The following APLP1 variants were observed in gnomAD, a reference collection of about 807,000 sequenced individuals.
APLP1 encodes amyloid beta (A4) precursor-like protein 1.
Under a neutral mutation model 84.5 loss-of-function variants are expected in APLP1, and 46 were observed. The observed-to-expected ratio is 0.54, with a 90% confidence interval of 0.43 to 0.70. The LOEUF (loss-of-function observed/expected upper bound fraction) is 0.70, where lower values mean the gene tolerates loss of function less well. APLP1 is among the 30% of genes least tolerant of loss of function. The pLI, the probability that APLP1 is intolerant of heterozygous loss-of-function variation, is 0.00. For synonymous variants in APLP1, 376 were observed against 364.0 expected (o/e 1.03, Z -0.38); for missense variants, 826 against 900.2 (o/e 0.92, Z 1.05).
At chr19:35,869,945 G>C (rs919525949) in intron 2 of APLP1, 135 bp downstream of exon 2, 2 of 1,166,478 alleles carry the variant, frequency 1.7e-6, no homozygotes, top group African/African-American at 3.1e-5. Context: ...AACTATGCTA[G>C]GGGCAGGGGA....
chr19:35,872,032 C>A lies in APLP1; in HGVS notation c.846C>A (p.Gly282=), dbSNP rs1974166682. ...GCTCCCATACACTTGCAGTGGTCGGCAAAGGTGAGGCAGTCTCTGAACCCC... is the reference window on the plus strand; with the variant it reads ...GCTCCCATACACTTGCAGTGGTCGGAAAAGGTGAGGCAGTCTCTGAACCCC... ...PPSSHTLAVV[G]KVTPTPRPTD... Residue 282 remains glycine (G), a synonymous_variant, in exon 6 of 17, where the codon GGC becomes GGA. Coordinates refer to ENST00000221891, the MANE Select transcript of APLP1 (RefSeq NM_001024807.3). 4.3e-6 allele frequency: 7 copies of A among 1,613,260 alleles called. No individual in the cohort carries two copies. Among genetic ancestry groups the A allele is most frequent in the Non-Finnish European group, 5.9e-6 (7 of 1,179,566 alleles).
chr19:35,871,201 A>C (rs1974136148), intron 3 of APLP1, 36 bp from the exon 4 acceptor site: 2 of 1,597,210 alleles, frequency 1.3e-6, no homozygotes, highest in Admixed American at 1.7e-5. Context: ...TGGTGGCTAT[A>C]GGAGGATCTC....
chr19:35,870,802 G>C (rs1974122601), intron 2 of APLP1, 94 bp from the exon 3 acceptor site: 1 of 1,469,496 alleles, frequency 6.8e-7, no homozygotes, highest in South Asian at 1.3e-5. Context: ...GAAAGAAAGA[G>C]GGAGAAAGAA....
At chr19:35,878,291 A>G (rs1174295518) in intron 13 of APLP1, among the ~76,000 whole-genome samples, 183 bp downstream of exon 13, 1 of 152,144 alleles carries the variant, frequency 6.6e-6, no homozygotes, top group African/African-American at 2.4e-5. Flanking sequence ...CACACCCGTA[A>G]TCCTAGCACT....
Position 35,879,063 on chromosome 19 carries a change from T to A in APLP1, c.1714-11T>A, listed in dbSNP as rs554930865. ...CAAAGAAGCCCTCTGCCCCATCTCCTCTCCCTGCAGGCACCAGCTGGGACA... is the reference window on the plus strand; with the variant it reads ...CAAAGAAGCCCTCTGCCCCATCTCCACTCCCTGCAGGCACCAGCTGGGACA... On this transcript the variant is annotated splice_polypyrimidine_tract_variant and intron_variant, in intron 15 of 16. Coordinates refer to ENST00000221891, the MANE Select transcript of APLP1 (RefSeq NM_001024807.3). The A allele has an allele frequency of 9.3e-6, 15 of 1,612,548 alleles. No individual in the cohort carries two copies. The East Asian group carries it at 1.3e-4, about 14-fold the overall frequency.
At chr19:35,876,722 C>T (rs1974289382) in intron 11 of APLP1, 106 bp downstream of exon 11, 1 of 873,680 alleles carries the variant, frequency 1.1e-6, no homozygotes, top group Admixed American at 3.2e-5. Flanking sequence ...AACAAACAGC[C>T]CAGACCTTAG....
At chr19:35,875,045 G>T (rs1422166950) in intron 10 of APLP1, among the ~76,000 whole-genome samples, 176 bp downstream of exon 10, 2 of 151,900 alleles carry the variant, frequency 1.3e-5, no homozygotes, top group African/African-American at 2.4e-5. Context: ...CCTGAAACAT[G>T]GACCCTCACA....
At chr19:35,878,713 G>A in intron 14 of APLP1, 59 bp downstream of exon 14, 1 of 1,593,304 alleles carries the variant, frequency 6.3e-7, no homozygotes, top group Non-Finnish European at 8.6e-7. Context: ...CTATATGGCT[G>A]GGTACGAGGG....
intron 1 of APLP1, 122 bp from the exon 2 acceptor site, chr19:35,869,545 C>T (rs779945660): frequency 3.8e-6 from 5 of 1,325,122 alleles, no homozygotes; most frequent in South Asian, 1.3e-5. Flanking sequence ...TCCATGGAGG[C>T]GGTGTGCGGT....
At chr19:35,870,100 A>C in intron 2 of APLP1, 1 of 456,814 alleles carries the variant, frequency 2.2e-6, no homozygotes, top group South Asian at 3.2e-5. Flanking sequence ...AGACAGAAAG[A>C]GACCTTAAGG....
intron 2 of APLP1, among the ~76,000 whole-genome samples, chr19:35,870,019 A>G (rs957562820): frequency 6.6e-6 from 1 of 152,024 alleles, no homozygotes; most frequent in Admixed American, 6.5e-5. Context: ...AGGAAGTGGA[A>G]TTTAGGAATC....
chr19:35,872,768 A>G (rs1051339886), intron 7 of APLP1, among the ~76,000 whole-genome samples, 155 bp downstream of exon 7: 1 of 151,720 alleles, frequency 6.6e-6, no homozygotes, highest in Admixed American at 6.6e-5. Flanking sequence ...CCAGAGATCC[A>G]TGGCCCTTCT....
chr19:35,875,587 C>T (rs1568476817), intron 10 of APLP1, among the ~76,000 whole-genome samples: 1 of 152,096 alleles, frequency 6.6e-6, no homozygotes, highest in South Asian at 2.1e-4. Flanking sequence ...TCCTAAAGTA[C>T]TCGGATTACA....
rs565186400 is a variant in APLP1, at chr19:35,879,133, G to C, written c.1773G>C (p.Ala591=). 2.5e-6 allele frequency: 4 copies of C among 1,612,314 alleles called. No individual in the cohort carries two copies. Among genetic ancestry groups the C allele is most frequent in the Admixed American group, 3.3e-5 (2 of 60,026 alleles). ...TGTCGGGTCTGCTGATCATGGGAGCGGGCGGAGGCTCCCTCATCGTCCTCT... is the reference window on the plus strand; with the variant it reads ...TGTCGGGTCTGCTGATCATGGGAGCCGGCGGAGGCTCCCTCATCGTCCTCT... ...EAVSGLLIMG[A]GGGSLIVLSM... is the part of the protein sequence containing the mutation. The change falls in exon 16 of 17, where the codon GCG becomes GCC. Residue 591 remains alanine (A), a synonymous_variant. Coordinates refer to ENST00000221891, the MANE Select transcript of APLP1 (RefSeq NM_001024807.3).
At chr19:35,871,410 C>A in intron 4 of APLP1, 61 bp downstream of exon 4, 1 of 1,456,362 alleles carries the variant, frequency 6.9e-7, no homozygotes, top group Non-Finnish European at 9.5e-7. Context: ...ACCTCTAACA[C>A]CCTCCGCCAC....
chr19:35,877,634 T>G (rs1282146322), intron 11 of APLP1, 84 bp from the exon 12 acceptor site: 1 of 858,250 alleles, frequency 1.2e-6, no homozygotes, highest in Non-Finnish European at 1.8e-6. Context: ...GTCTGCATGA[T>G]CTCCCACTTG....
At chr19:35,872,330 C>A (rs1974174826) in intron 6 of APLP1, among the ~76,000 whole-genome samples, 153 bp from the exon 7 acceptor site, 2 of 151,994 alleles carry the variant, frequency 1.3e-5, no homozygotes, top group South Asian at 4.1e-4. Context: ...CAGGCCCAGT[C>A]CAGAACTACA....
chr19:35,876,451 C>G (rs1251561179), intron 10 of APLP1, 66 bp from the exon 11 acceptor site: 12 of 1,374,514 alleles, frequency 8.7e-6, no homozygotes, highest in African/African-American at 5.7e-5. Context: ...CTCCTTCATA[C>G]TGCTTCAGTT....
Position 35,879,328 on chromosome 19 carries a change from C to G in APLP1, c.1858-15C>G. On this transcript the variant is annotated splice_polypyrimidine_tract_variant and intron_variant, in intron 16 of 16. Transcript: ENST00000221891. Reference sequence around the variant, plus strand: ...CCCGCACCACACTGTCCTTTCCCTCCCCTGCTCGTTGCAGGTGGACCCCAT... The same window carrying G: ...CCCGCACCACACTGTCCTTTCCCTCGCCTGCTCGTTGCAGGTGGACCCCAT... 1 of 1,613,594 alleles carries G rather than the reference C, an allele frequency of 6.2e-7. No individual in the cohort carries two copies. The highest frequency in any genetic ancestry group is 1.3e-5 in the African/African-American group (1 of 75,044).
Sources: allele counts gnomAD v4.1 joint callset (sites outside exome capture counted in the v4.1 genomes callset), GRCh38; gene constraint gnomAD v4.1.1; transcripts MANE v1.5; gene names NCBI Gene and HGNC (gene_info 2026-07-23, HGNC 2026-07-21).